The following VPS13A variants were observed in gnomAD, a reference collection of about 807,000 sequenced individuals.
The protein encoded by VPS13A is vacuolar protein sorting 13 homolog A, also known as intermembrane lipid transfer protein VPS13A.
In VPS13A, 264 loss-of-function variants were observed where a neutral mutation model predicts 390.9. The ratio of observed to expected loss-of-function variants is 0.68; its 90% CI spans 0.61 to 0.75. The LOEUF (loss-of-function observed/expected upper bound fraction) is 0.75. Among genes scored for constraint, VPS13A ranks in the 30% least tolerant of loss-of-function variants. The probability of loss-of-function intolerance (pLI) is 0.00; values close to 1 mark genes in which losing one functional copy is unlikely to be tolerated. For synonymous variants in VPS13A, 1,231 were observed against 1,227.1 expected (o/e 1.00, Z -0.07); for missense variants, 3,409 against 3,733.9 (o/e 0.91, Z 2.27).
intron 59 of VPS13A, among the ~76,000 whole-genome samples, chr9:77,363,407 T>A (rs1222297681): frequency 6.9e-6 from 1 of 144,004 alleles, no homozygotes; most frequent in Non-Finnish European, 1.5e-5. Context: ...TTTTTTTATT[T>A]TTTTTTTTTT....
intron 3 of VPS13A, among the ~76,000 whole-genome samples, chr9:77,201,876 A>G (rs1262569944): frequency 6.6e-6 from 1 of 152,072 alleles, no homozygotes; most frequent in Non-Finnish European, 1.5e-5. Flanking sequence ...TATTATTTTT[A>G]CCAGTGTTTA....
At chr9:77,338,283 T>C (rs771483082) in intron 47 of VPS13A, 1 of 152,254 alleles carries the variant, frequency 6.6e-6, no homozygotes, top group Non-Finnish European at 1.5e-5. Flanking sequence ...TTTACACTTT[T>C]CTGATACATG....
chr9:77,229,650 C>T (rs779432794), intron 17 of VPS13A, among the ~76,000 whole-genome samples: 1 of 152,110 alleles, frequency 6.6e-6, no homozygotes, highest in Admixed American at 6.5e-5. Context: ...GGACGCATCA[C>T]GTTTTGTTTA....
At chr9:77,294,404 C>G (rs1344399694) in intron 32 of VPS13A, among the ~76,000 whole-genome samples, 1 of 152,074 alleles carries the variant, frequency 6.6e-6, no homozygotes. Context: ...GGTGTCACAC[C>G]TATCTCCATA....
intron 28 of VPS13A, 43 bp downstream of exon 28, chr9:77,281,969 A>G: frequency 7.2e-7 from 1 of 1,383,880 alleles, no homozygotes; most frequent in Non-Finnish European, 1.0e-6. Flanking sequence ...ACTATTTCTT[A>G]TGGAAATTAT....
At chr9:77,345,306 C>G (rs559331283) in intron 52 of VPS13A, among the ~76,000 whole-genome samples, 164 bp downstream of exon 52, 1 of 152,230 alleles carries the variant, frequency 6.6e-6, no homozygotes, top group Admixed American at 6.5e-5. Flanking sequence ...AGGGGTAAAA[C>G]TGACTTGATG....
chr9:77,336,900 C>G (rs1830567940), intron 46 of VPS13A, among the ~76,000 whole-genome samples: 1 of 150,004 alleles, frequency 6.7e-6, no homozygotes, highest in Non-Finnish European at 1.5e-5. Context: ...GGGTTCTCTC[C>G]ATTCTCCTGC....
chr9:77,264,427 G>A (rs926416518), intron 23 of VPS13A, among the ~76,000 whole-genome samples: 4 of 152,274 alleles, frequency 2.6e-5, no homozygotes, highest in South Asian at 2.1e-4. Context: ...CTATCAGTGA[G>A]CATGGAATGT....
At position 77,337,363 on chromosome 9, in the gene VPS13A, A is replaced by G. The variant is rs995605524; in HGVS notation, c.6204A>G (p.Arg2068=). The G allele has an allele frequency of 3.7e-6, 6 of 1,612,976 alleles. No homozygotes were observed. The highest frequency in any genetic ancestry group is 5.1e-6 in the Non-Finnish European group (6 of 1,179,178). ...NDGALLKKKC[R]SKNPSKESFL... The stretch of plus-strand genomic sequence containing the variant: ...GTGCTCTTCTAAAGAAGAAATGTAG[A>G]TCTAAAAACCCTTCTAAGGAATCAT... The change falls in exon 47 of 72, where the codon AGA becomes AGG. Residue 2068 remains arginine, a synonymous_variant. Transcript: ENST00000360280.
chr9:77,400,557 G>C (rs1834337140), intron 68 of VPS13A, among the ~76,000 whole-genome samples: 1 of 152,026 alleles, frequency 6.6e-6, no homozygotes, highest in Non-Finnish European at 1.5e-5. Flanking sequence ...GCCGGGCGCG[G>C]TGGCTCATGC....
intron 31 of VPS13A, among the ~76,000 whole-genome samples, chr9:77,287,543 C>A (rs1014660338): frequency 2.0e-5 from 3 of 151,970 alleles, no homozygotes; most frequent in Non-Finnish European, 4.4e-5. Context: ...CCCTTCTCCA[C>A]GTGGAATAAA....
rs182085600 is a variant in VPS13A, at chr9:77,403,151, G to T, written c.9190-85G>T. 3 of 921,290 alleles carry T rather than the reference G, an allele frequency of 3.3e-6. No homozygotes were observed. In the Admixed American group the frequency reaches 5.7e-5, roughly 18 times the overall value. 57.1% of individuals were successfully genotyped at this position (921,290 alleles called of 1,614,324 possible). A position where few individuals can be genotyped will look rare whatever the true frequency, so the allele number is the denominator to read the frequency against. On this transcript the variant is annotated intron_variant, in intron 68 of 71. Transcript: ENST00000360280. The stretch of plus-strand genomic sequence containing the variant: ...TAATGGTTTGCCCCATTGAGAAATG[G>T]TTTTTAGAGGACTATAAGGCATTGT...
At position 77,307,999 on chromosome 9, in the gene VPS13A, A is replaced by G; in HGVS notation, c.4015A>G (p.Ile1339Val). ...TTIFKTLHGN[I>V]WYEKDGSASP... is the part of the protein sequence containing the mutation. ...TATTTTTAAAACATTGCATGGCAAT[A>G]TATGGTATGAAAAAGATGGTAGTGC... The change falls in exon 35 of 72, where the codon ATA becomes GTA. Residue 1339 changes from isoleucine to valine, a missense_variant. Physicochemically the swap from Ile to Val is conservative, Grantham distance 29. Transcript: ENST00000360280. The G allele has an allele frequency of 1.9e-6, 3 of 1,605,716 alleles. 1 individual carries two copies. In the South Asian group the frequency reaches 3.3e-5, roughly 18 times the overall value.
chr9:77,408,132 T>C (rs1288609013), intron 71 of VPS13A, among the ~76,000 whole-genome samples: 3 of 152,220 alleles, frequency 2.0e-5, no homozygotes, highest in African/African-American at 7.2e-5. Context: ...AAGATGAGAA[T>C]GGTGTGAACT....
At chr9:77,273,455 A>G in intron 24 of VPS13A, 91 bp downstream of exon 24, 1 of 1,029,182 alleles carries the variant, frequency 9.7e-7, no homozygotes, top group Non-Finnish European at 1.4e-6. Context: ...CACACAGAGG[A>G]AGGAAAATAT....
chr9:77,367,248 A>G (rs1165359546), intron 61 of VPS13A, among the ~76,000 whole-genome samples: 3 of 152,340 alleles, frequency 2.0e-5, no homozygotes, highest in Middle Eastern at 6.8e-3. Context: ...AACAGAATGA[A>G]TGCGATAATA....
chr9:77,311,646 A>G (rs1352969696), intron 35 of VPS13A, among the ~76,000 whole-genome samples: 1 of 152,224 alleles, frequency 6.6e-6, no homozygotes, highest in East Asian at 1.9e-4. Flanking sequence ...GGATTTGAAC[A>G]CACCACTCTT....
At chr9:77,367,004 T>C (rs1040773473) in intron 61 of VPS13A, 132 bp downstream of exon 61, 16 of 807,940 alleles carry the variant, frequency 2.0e-5, no homozygotes, top group Non-Finnish European at 3.1e-5. Context: ...TGCATTCAAG[T>C]GAAGTGCAAT....
Position 77,295,535 on chromosome 9 carries a change from C to A in VPS13A, c.3508-7C>A. The A allele has an allele frequency of 8.1e-6, 13 of 1,595,984 alleles. No individual in the cohort carries two copies. Among genetic ancestry groups the A allele is most frequent in the Non-Finnish European group, 1.1e-5 (13 of 1,168,928 alleles). ...AACCTTAAGAATATAATTCTGTTATCTTACAGGCTTTTATAGATAATTTTC... is the reference window on the plus strand; with the variant it reads ...AACCTTAAGAATATAATTCTGTTATATTACAGGCTTTTATAGATAATTTTC... On this transcript the variant is annotated splice_polypyrimidine_tract_variant and splice_region_variant and intron_variant, in intron 32 of 71. Transcript: ENST00000360280.
Sources: gnomAD v4.1 joint callset for allele counts (sites outside exome capture counted in the v4.1 genomes callset) on GRCh38, gnomAD v4.1.1 for gene constraint, MANE v1.5 for transcripts, NCBI Gene and HGNC (gene_info 2026-07-23, HGNC 2026-07-21) for gene names.